The following SRGAP2C variants were observed in gnomAD, a reference collection of about 807,000 sequenced individuals.
SRGAP2C encodes SLIT-ROBO Rho GTPase activating protein 2C, also known as SLIT-ROBO Rho GTPase-activating protein 2C.
Under a neutral mutation model 25.1 loss-of-function variants are expected in SRGAP2C, and 15 were observed. The observed-to-expected ratio is 0.60, with a 90% CI of 0.40 to 0.92. The LOEUF (loss-of-function observed/expected upper bound fraction) is 0.92. Ranked by LOEUF, SRGAP2C falls within the 40% of genes least tolerant of loss-of-function variation. The pLI, the probability that SRGAP2C is intolerant of heterozygous loss-of-function variation, is 0.00. For missense variants in SRGAP2C, 144 were observed against 264.4 expected (o/e 0.54, Z 3.16); for synonymous variants, 44 against 96.6 (o/e 0.46, Z 3.19).
At chr1:121,359,482 A>C (rs1205476322) in intron 4 of SRGAP2C, among the ~76,000 whole-genome samples, 2 of 151,938 alleles carry the variant, frequency 1.3e-5, no homozygotes, top group Non-Finnish European at 2.9e-5. Context: ...ATCTGAAAAC[A>C]ATTTTTTTAA....
At chr1:121,189,096 C>CTTTTTTTTT (rs1172103186) in intron 2 of SRGAP2C, among the ~76,000 whole-genome samples, 8 of 29,062 alleles carry the variant, frequency 2.8e-4, no homozygotes, top group Non-Finnish European at 3.8e-4. Flanking sequence ...CCAGATATGT[C>CTTTTTTTTT]TTTTTTTTTT....
chr1:121,345,656 T>TTTC (rs1658725202), intron 4 of SRGAP2C, among the ~76,000 whole-genome samples: 1 of 130,158 alleles, frequency 7.7e-6, no homozygotes, highest in Admixed American at 7.8e-5. Context: ...CTTCTTTTTT[T>TTTC]TTTTTTTTTT....
intron 2 of SRGAP2C, among the ~76,000 whole-genome samples, chr1:121,201,843 A>G (rs1273067298): frequency 2.6e-5 from 4 of 152,180 alleles, no homozygotes; most frequent in Non-Finnish European, 4.4e-5. Context: ...TACTTTTTTT[A>G]TGCTTGAAAC....
At chr1:121,283,369 GA>G (rs1427745263) in intron 2 of SRGAP2C, among the ~76,000 whole-genome samples, 1 of 146,942 alleles carries the variant, frequency 6.8e-6, no homozygotes, top group African/African-American at 2.5e-5. Flanking sequence ...TGTAGATGGG[GA>G]CAGATTGTGG....
intron 3 of SRGAP2C, among the ~76,000 whole-genome samples, chr1:121,308,539 G>T (rs1364124370): frequency 6.7e-6 from 1 of 149,830 alleles, no homozygotes; most frequent in Non-Finnish European, 1.5e-5. Context: ...ACTTTGGGAG[G>T]CTGAGGTGGG....
At chr1:121,367,983 G>A in intron 5 of SRGAP2C, among the ~76,000 whole-genome samples, 1 of 112,334 alleles carries the variant, frequency 8.9e-6, no homozygotes, top group Non-Finnish European at 1.8e-5. Flanking sequence ...GGCTGAGGCA[G>A]GAGAATGGCG....
At chr1:121,191,027 A>C in intron 2 of SRGAP2C, among the ~76,000 whole-genome samples, 1 of 152,230 alleles carries the variant, frequency 6.6e-6, no homozygotes, top group East Asian at 1.9e-4. Context: ...GTTTCTTCTT[A>C]AAAACCATCA....
At chr1:121,230,732 A>G (rs1553327391) in intron 2 of SRGAP2C, among the ~76,000 whole-genome samples, 2 of 151,188 alleles carry the variant, frequency 1.3e-5, no homozygotes, top group Non-Finnish European at 3.0e-5. Flanking sequence ...AGACACATGC[A>G]TACATATGTT....
At chr1:121,343,155 T>C (rs1418262610) in intron 4 of SRGAP2C, among the ~76,000 whole-genome samples, 3 of 151,920 alleles carry the variant, frequency 2.0e-5, no homozygotes, top group Non-Finnish European at 1.5e-5. Flanking sequence ...CACAAAAGAA[T>C]TACCCCTGTG....
chr1:121,288,773 C>T (rs1657428143), intron 3 of SRGAP2C, among the ~76,000 whole-genome samples: 6 of 53,738 alleles, frequency 1.1e-4, no homozygotes, highest in South Asian at 5.2e-4. Flanking sequence ...TTGGTGCACT[C>T]ACAAATCTTG....
chr1:121,374,924 C>G lies in SRGAP2C; in HGVS notation c.801C>G (p.Tyr267Ter), dbSNP rs1553352722. ...CAACCAATGCATCTGTCTTCAAGTA[C>G]TACATCCATGACCTATCTGACCTTA... Reference protein sequence around the residue: ...LEATNASVFKYYIHDLSDLID... With the variant: ...LEATNASVFK Residue 267 changes from tyrosine to a stop codon, truncating the protein, a stop_gained, in exon 7 of 10, where the codon TAC becomes TAG. Transcript: ENST00000367123. LOFTEE classifies it high-confidence loss of function. 5 of 778,466 alleles carry G rather than the reference C, an allele frequency of 6.4e-6. No individual in the cohort carries two copies. The highest frequency in any genetic ancestry group is 5.4e-5 in the South Asian group (4 of 73,986). The allele number at this position is 778,466 out of a possible 1,614,324, so 48.2% of individuals were successfully genotyped here.
chr1:121,264,019 T>C (rs1318811545), intron 2 of SRGAP2C, among the ~76,000 whole-genome samples: 1 of 151,948 alleles, frequency 6.6e-6, no homozygotes, highest in Non-Finnish European at 1.5e-5. Context: ...AGGCAGGGGA[T>C]AAATTCTTAC....
chr1:121,357,170 G>A (rs1422813947), intron 4 of SRGAP2C, among the ~76,000 whole-genome samples: 1 of 138,422 alleles, frequency 7.2e-6, no homozygotes, highest in African/African-American at 2.8e-5. Flanking sequence ...GGGTTATCAA[G>A]TGTTACTGCT....
In SRGAP2C at chr1:121,374,973, G is replaced by T. The variant is rs782664532; in HGVS notation, c.831+19G>T. On this transcript the variant is annotated intron_variant, in intron 7 of 9. Coordinates refer to ENST00000367123, the MANE Select transcript of SRGAP2C (RefSeq NM_001329984.2). ...TATTGATGTAAGTGCTTAAAGCCAA[G>T]GGCCTGAGGGCCCCTCTTTTCTGGT... is the stretch of plus-strand genomic sequence containing the variant. The T allele has an allele frequency of 3.9e-6, 3 of 772,008 alleles. No homozygotes were observed. Among genetic ancestry groups the T allele is most frequent in the African/African-American group, 1.7e-5 (1 of 59,056 alleles). 47.8% of individuals were successfully genotyped at this position (772,008 alleles called of 1,614,324 possible). A position where few individuals can be genotyped will look rare whatever the true frequency, so the allele number is the denominator to read the frequency against.
intron 7 of SRGAP2C, 141 bp downstream of exon 7, chr1:121,375,095 G>A (rs587663270): frequency 4.4e-4 from 267 of 602,512 alleles, no homozygotes; most frequent in Non-Finnish European, 6.7e-4. Flanking sequence ...CCATCAGAGT[G>A]CTTGCCAAGC....
chr1:121,221,611 T>G (rs1241304119), intron 2 of SRGAP2C, among the ~76,000 whole-genome samples: 8 of 82,800 alleles, frequency 9.7e-5, no homozygotes, highest in African/African-American at 4.9e-4. Context: ...CTCAGGAGGC[T>G]GAGGCAGGAG....
chr1:121,370,433 G>C lies in SRGAP2C; in HGVS notation c.487-3538G>C, dbSNP rs12022518. 5.8e-4 allele frequency among the ~76,000 whole-genome samples: 73 copies of C among 126,386 alleles called. 1 individual carries two copies. In the East Asian group the frequency reaches 0.016, roughly 28 times the overall value. The allele number at this position is 126,386 out of a possible 152,430, so 82.9% of individuals were successfully genotyped here. A position where few individuals can be genotyped will look rare whatever the true frequency, so the allele number is the denominator to read the frequency against. ...GGATCTTGGGGCCTCACTGTTCTCA[G>C]ACTTCCTTTTTTTTTTTTTTTTTTT... On this transcript the variant is annotated intron_variant, in intron 5 of 9. Transcript: ENST00000367123.
chr1:121,280,054 C>T (rs1349542127), intron 2 of SRGAP2C, among the ~76,000 whole-genome samples: 4 of 150,838 alleles, frequency 2.7e-5, no homozygotes, highest in Non-Finnish European at 3.0e-5. Context: ...CTGTAAAATT[C>T]ACTCTTTTAA....
chr1:121,188,752 C>CTTGGAAGG (rs1298236154), intron 2 of SRGAP2C, among the ~76,000 whole-genome samples: 2 of 147,200 alleles, frequency 1.4e-5, no homozygotes, highest in Non-Finnish European at 3.0e-5. Flanking sequence ...TCCCTTATCT[C>CTTGGAAGG]TTGGAAGGTT....
Sources: allele counts gnomAD v4.1 joint callset (sites outside exome capture counted in the v4.1 genomes callset), GRCh38; gene constraint gnomAD v4.1.1; transcripts MANE v1.5; gene names NCBI Gene and HGNC (gene_info 2026-07-23, HGNC 2026-07-21).